CCSER1: variants seen among roughly 807,000 people sequenced by gnomAD.
CCSER1 encodes the protein coiled-coil serine rich protein 1.
In CCSER1, 41 loss-of-function variants were observed where a neutral mutation model predicts 82.0. The observed-to-expected ratio is 0.50, with a 90% confidence interval of 0.39 to 0.65. CCSER1 has a LOEUF of 0.65. CCSER1 is among the 30% of genes least tolerant of loss of function. CCSER1 has a pLI of 0.00. For missense variants in CCSER1, 1,119 were observed against 1,064.2 expected (o/e 1.05, Z -0.72); for synonymous variants, 414 against 383.9 (o/e 1.08, Z -0.92).
intron 10 of CCSER1, among the ~76,000 whole-genome samples, chr4:91,167,908 G>A (rs952780990): frequency 4.7e-5 from 7 of 149,298 alleles, no homozygotes; most frequent in East Asian, 2.0e-4. Context: ...CTGCCCGGCC[G>A]CCACCCCGTC....
At chr4:91,082,746 C>A (rs6532271) in intron 9 of CCSER1, among the ~76,000 whole-genome samples, 2 of 151,876 alleles carry the variant, frequency 1.3e-5, no homozygotes, top group Admixed American at 6.5e-5. Context: ...AAAAAGTGGG[C>A]GAAGGATATG....
intron 8 of CCSER1, among the ~76,000 whole-genome samples, chr4:90,920,051 T>G (rs903329849): frequency 1.3e-5 from 2 of 151,996 alleles, no homozygotes; most frequent in African/African-American, 4.8e-5. Context: ...TTCACTATCC[T>G]TCTGAGAGAG....
chr4:90,850,688 G>A (rs115411249), intron 8 of CCSER1, among the ~76,000 whole-genome samples: 8,409 of 152,282 alleles, frequency 0.055, 307 homozygotes, highest in Non-Finnish European at 0.084. Flanking sequence ...ACTGTATCTT[G>A]GAAGTAACTA....
chr4:90,208,985 C>G (rs1196324880), intron 1 of CCSER1, among the ~76,000 whole-genome samples: 1 of 152,192 alleles, frequency 6.6e-6, no homozygotes, highest in African/African-American at 2.4e-5. Context: ...AAACATCTAC[C>G]TATTTTTTCT....
At chr4:90,959,531 G>A (rs1447561138) in intron 9 of CCSER1, among the ~76,000 whole-genome samples, 1 of 151,982 alleles carries the variant, frequency 6.6e-6, no homozygotes, top group Non-Finnish European at 1.5e-5. Context: ...TACTATATAT[G>A]CTATGCACTA....
At chr4:91,169,989 T>A (rs1388063447) in intron 10 of CCSER1, among the ~76,000 whole-genome samples, 1 of 152,216 alleles carries the variant, frequency 6.6e-6, no homozygotes, top group Non-Finnish European at 1.5e-5. Flanking sequence ...AGTTGAAACC[T>A]CTTTTAAAAA....
At chr4:91,178,505 A>G (rs1050323412) in intron 10 of CCSER1, among the ~76,000 whole-genome samples, 31 of 152,146 alleles carry the variant, frequency 2.0e-4, no homozygotes, top group Non-Finnish European at 3.7e-4. Flanking sequence ...TATTGGGTGC[A>G]TATATATTTA....
chr4:91,272,427 C>A (rs1742106480), intron 10 of CCSER1, among the ~76,000 whole-genome samples: 2 of 152,056 alleles, frequency 1.3e-5, no homozygotes, highest in African/African-American at 4.8e-5. Flanking sequence ...ATGTCCTTAG[C>A]CCACTTTTTG....
At chr4:90,364,397 G>C (rs778291732) in intron 3 of CCSER1, among the ~76,000 whole-genome samples, 4 of 151,978 alleles carry the variant, frequency 2.6e-5, no homozygotes, top group Non-Finnish European at 5.9e-5. Context: ...AAATGAAAAT[G>C]AAAGGTTCGG....
chr4:90,345,700 A>G (rs1273005492), intron 3 of CCSER1, among the ~76,000 whole-genome samples: 1 of 152,116 alleles, frequency 6.6e-6, no homozygotes, highest in Non-Finnish European at 1.5e-5. Context: ...TGAACAACAC[A>G]CATGGCCCTT....
rs561308878 is a variant in CCSER1 at position 90,557,823 on chromosome 4, A to T, written c.1725-70202A>T. On this transcript the variant is annotated intron_variant, in intron 5 of 10. Transcript: ENST00000509176. ...AAAGTTTCTCATATTACATGTGGAC[A>T]TTTTAAACGTATTTAGTACCATAGC... 8.9e-4 allele frequency among the ~76,000 whole-genome samples: 135 copies of T among 152,274 alleles called. No homozygotes were observed. The Middle Eastern group carries it at 0.014, about 15-fold the overall frequency.
At chr4:90,283,751 C>T (rs1560945073) in intron 1 of CCSER1, among the ~76,000 whole-genome samples, 1 of 152,006 alleles carries the variant, frequency 6.6e-6, no homozygotes, top group Admixed American at 6.6e-5. Flanking sequence ...TAGGTTGATT[C>T]CATATCTTGG....
chr4:90,658,424 C>T (rs1396135747), intron 6 of CCSER1, among the ~76,000 whole-genome samples: 1 of 152,230 alleles, frequency 6.6e-6, no homozygotes, highest in East Asian at 1.9e-4. Flanking sequence ...AGGAGTTTCC[C>T]CAGGAACTCC....
At chr4:90,270,327 G>A (rs796183444) in intron 1 of CCSER1, among the ~76,000 whole-genome samples, 9 of 151,954 alleles carry the variant, frequency 5.9e-5, no homozygotes, top group African/African-American at 1.9e-4. Flanking sequence ...TGACCAACTG[G>A]GATTTATTCC....
intron 4 of CCSER1, among the ~76,000 whole-genome samples, chr4:90,462,094 CA>C (rs1297824915): frequency 6.8e-6 from 1 of 146,530 alleles, no homozygotes; most frequent in Admixed American, 6.7e-5. Context: ...ATAATTTCAT[CA>C]AAAAACTTTG....
chr4:90,893,978 A>G (rs2150123846), intron 8 of CCSER1, among the ~76,000 whole-genome samples: 1 of 152,136 alleles, frequency 6.6e-6, no homozygotes, highest in South Asian at 2.1e-4. Flanking sequence ...AGAGTTGAAA[A>G]TCTATGTTTA....
chr4:91,248,759 C>T (rs1740015778), intron 10 of CCSER1, among the ~76,000 whole-genome samples: 3 of 150,468 alleles, frequency 2.0e-5, no homozygotes, highest in South Asian at 2.1e-4. Flanking sequence ...AAAAAGATAT[C>T]GACTTTAGTT....
At chr4:90,932,010 A>G (rs1729881705) in intron 9 of CCSER1, among the ~76,000 whole-genome samples, 1 of 152,212 alleles carries the variant, frequency 6.6e-6, no homozygotes, top group African/African-American at 2.4e-5. Context: ...GTTTGGCTTA[A>G]TAACAAGCCA....
In CCSER1 at chr4:90,983,772, C is replaced by T. The variant is rs375735358; in HGVS notation, c.2172+60325C>T. 1.8e-4 allele frequency among the ~76,000 whole-genome samples: 28 copies of T among 151,906 alleles called. 4 individuals are homozygous for T. The East Asian group carries it at 3.9e-3, about 21-fold the overall frequency. On this transcript the variant is annotated intron_variant, in intron 9 of 10. Transcript: ENST00000509176. ...ATATGTTACCTAATAAAATTTAACA[C>T]TCAGGCATTTTTCTAGTGAGAATAT...
Sources: gnomAD v4.1 joint callset for allele counts (sites outside exome capture counted in the v4.1 genomes callset) on GRCh38, gnomAD v4.1.1 for gene constraint, MANE v1.5 for transcripts, NCBI Gene and HGNC (gene_info 2026-07-23, HGNC 2026-07-21) for gene names.